The following EBP variants were observed in gnomAD, a reference collection of about 807,000 sequenced individuals.
EBP encodes the protein EBP cholestenol delta-isomerase, also known as 3-beta-hydroxysteroid-Delta(8),Delta(7)-isomerase.
Under a neutral mutation model 14.1 loss-of-function variants are expected in EBP, and 1 was observed. That is an observed-to-expected ratio of 0.07 (90% CI 0.03 to 0.34). The LOEUF (loss-of-function observed/expected upper bound fraction) is 0.34, where lower values mean the gene tolerates loss of function less well. Among genes scored for constraint, EBP ranks in the 10% least tolerant of loss-of-function variants. The probability of loss-of-function intolerance (pLI) is 0.99; values close to 1 mark genes in which losing one functional copy is unlikely to be tolerated. For missense variants in EBP, 123 were observed against 184.6 expected, an observed-to-expected ratio of 0.67 and a Z score of 1.93; for synonymous variants, 72 against 77.7, an observed-to-expected ratio of 0.93 and a Z score of 0.38.
intron 2 of EBP, among the ~76,000 whole-genome samples, chrX:48,525,868 C>T (rs1285107149): frequency 1.8e-5 from 2 of 109,010 alleles, no homozygotes; most frequent in African/African-American, 3.3e-5. Context: ...GGGCAGATCA[C>T]CTGAGGTCAG....
rs782257058 is a variant in EBP, at chrX:48,527,244, A to G, written c.428A>G (p.Gln143Arg). 4.1e-6 allele frequency: 5 copies of G among 1,209,371 alleles called. No individual in the cohort carries two copies. In the East Asian group the frequency reaches 1.5e-4, roughly 36 times the overall value. ...SLWVVIAFLR[Q>R]HPLRFILQLV... ...TGGGTGGTGATCGCCTTTCTCCGCCAGCATCCCCTCCGCTTCATTCTACAG... is the reference window on the plus strand; with the variant it reads ...TGGGTGGTGATCGCCTTTCTCCGCCGGCATCCCCTCCGCTTCATTCTACAG... Residue 143 changes from glutamine to arginine, a missense_variant, in exon 4 of 5, where the codon CAG becomes CGG. Transcript: ENST00000495186.
intron 4 of EBP, 154 bp downstream of exon 4, chrX:48,527,439 C>A: frequency 1.1e-6 from 1 of 895,573 alleles, no homozygotes; most frequent in Non-Finnish European, 1.6e-6. Context: ...CTGGAAAGGT[C>A]ATGCCCTTCT....
chrX:48,526,761 C>G, intron 2 of EBP: 2 of 455,577 alleles, frequency 4.4e-6, no homozygotes, highest in Non-Finnish European at 7.8e-6. Flanking sequence ...ACACACACTT[C>G]TTGAGTACCA....
Position 48,527,231 on chromosome X carries a change from G to A in EBP, c.415G>A (p.Ala139Thr), listed in dbSNP as rs147961959. The change falls in exon 4 of 5, where the codon GCC becomes ACC. Residue 139 changes from alanine to threonine, a missense_variant. Ala to Thr is a moderately conservative substitution (Grantham distance 58). Transcript: ENST00000495186. ...WGPLSLWVVI[A>T]FLRQHPLRFI... ...ACCACTCAGCCTGTGGGTGGTGATC[G>A]CCTTTCTCCGCCAGCATCCCCTCCG... 4 of 1,211,375 alleles carry A rather than the reference G, an allele frequency of 3.3e-6. No homozygotes were observed. Among genetic ancestry groups the A allele is most frequent in the Non-Finnish European group, 4.5e-6 (4 of 895,444 alleles).
intron 1 of EBP, among the ~76,000 whole-genome samples, chrX:48,522,593 T>G (rs2061766057): frequency 8.9e-6 from 1 of 112,484 alleles, no homozygotes; most frequent in Non-Finnish European, 1.9e-5. Context: ...TTCTACCACA[T>G]CATAATATGG....
Position 48,528,226 on chromosome X carries a change from A to G in EBP, c.470-8A>G. On this transcript the variant is annotated splice_polypyrimidine_tract_variant and splice_region_variant and intron_variant, in intron 4 of 4. Coordinates refer to ENST00000495186, the MANE Select transcript of EBP (RefSeq NM_006579.3). ...TGGGGCTTCTCCTTCCCCTCCTGCC[A>G]CCCACAGGCCAGATCTATGGGGATG... The G allele has an allele frequency of 8.3e-7, 1 of 1,204,347 alleles. No individual in the cohort carries two copies. The highest frequency in any genetic ancestry group is 1.1e-6 in the Non-Finnish European group (1 of 889,972).
chrX:48,521,841 G>C lies in EBP; in HGVS notation c.-140G>C, dbSNP rs1169107969. On this transcript the variant is annotated 5_prime_UTR_variant, in exon 1 of 5. Transcript: ENST00000495186. The stretch of plus-strand genomic sequence containing the variant: ...ATGAGCCCGAACTAGGGATGTGACA[G>C]AGCGCGAGACCCAGCCTAAAGAGAG... 8.8e-6 allele frequency: 1 copy of C among 113,886 alleles called. No homozygotes were observed. Among genetic ancestry groups the C allele is most frequent in the Non-Finnish European group, 1.9e-5 (1 of 53,412 alleles). 9.4% of individuals were successfully genotyped at this position (113,886 alleles called of 1,213,427 possible). A position where few individuals can be genotyped will look rare whatever the true frequency, so the allele number is the denominator to read the frequency against.
chrX:48,526,973 CTCT>C lies in EBP; in HGVS notation c.302-11_302-9del, dbSNP rs1296320297. On this transcript the variant is annotated splice_polypyrimidine_tract_variant and intron_variant, in intron 2 of 4. Transcript: ENST00000495186. ...CACTGCCTTTATTCTTCATATCTCT[CTCT>C]TCTTTTCTTCAGGGAAAGAGTATGC... is the stretch of plus-strand genomic sequence containing the variant. 2.1e-5 allele frequency: 26 copies of C among 1,209,583 alleles called. No homozygotes were observed. Among genetic ancestry groups the C allele is most frequent in the Non-Finnish European group, 2.8e-5 (25 of 894,430 alleles).
chrX:48,527,212 C>A lies in EBP; in HGVS notation c.396C>A (p.Leu132=), dbSNP rs782579338. ...TCACAGCTTGCCTGTGGGGACCACT[C>A]AGCCTGTGGGTGGTGATCGCCTTTC... The part of the protein sequence containing the change: ...ETITACLWGP[L]SLWVVIAFLR... Residue 132 remains leucine, a synonymous_variant, in exon 4 of 5, where the codon CTC becomes CTA. Coordinates refer to ENST00000495186, the MANE Select transcript of EBP (RefSeq NM_006579.3). 14 of 1,209,962 alleles carry A rather than the reference C, an allele frequency of 1.2e-5. No homozygotes were observed. Among genetic ancestry groups the A allele is most frequent in the Non-Finnish European group, 1.5e-5 (13 of 895,200 alleles).
intron 2 of EBP, chrX:48,524,877 T>C (rs1343975254): frequency 5.4e-5 from 6 of 110,634 alleles, no homozygotes; most frequent in African/African-American, 2.0e-4. Flanking sequence ...CACTTTTTTG[T>C]AGAGACAAGG....
chrX:48,527,649 A>G (rs1259780154), intron 4 of EBP: 1 of 253,919 alleles, frequency 3.9e-6, no homozygotes, highest in Non-Finnish European at 7.2e-6. Context: ...TCTGTCACCC[A>G]GGCCAGAGTG....
intron 2 of EBP, among the ~76,000 whole-genome samples, chrX:48,525,096 C>T (rs1339548123): frequency 1.8e-5 from 2 of 112,112 alleles, no homozygotes; most frequent in Non-Finnish European, 3.8e-5. Flanking sequence ...TTTCCCCAAA[C>T]GCTGTTAGGC....
chrX:48,526,843 CCAAA>C (rs1418666875), intron 2 of EBP, 142 bp from the exon 3 acceptor site: 1 of 637,792 alleles, frequency 1.6e-6, no homozygotes, highest in Non-Finnish European at 2.6e-6. Flanking sequence ...CCACTAGAAT[CCAAA>C]CAGTTACCCC....
At chrX:48,525,695 T>A (rs2061776816) in intron 2 of EBP, among the ~76,000 whole-genome samples, 1 of 109,645 alleles carries the variant, frequency 9.1e-6, no homozygotes, top group African/African-American at 3.3e-5. Context: ...TTTAATGAGG[T>A]CACTCCTCAT....
At chrX:48,525,072 T>TTCTA (rs2061775162) in intron 2 of EBP, among the ~76,000 whole-genome samples, 1 of 112,284 alleles carries the variant, frequency 8.9e-6, no homozygotes, top group Non-Finnish European at 1.9e-5. Context: ...AAAATCTGCT[T>TTCTA]TCTATCCACT....
chrX:48,525,815 A>T (rs2061777185), intron 2 of EBP, among the ~76,000 whole-genome samples: 1 of 110,084 alleles, frequency 9.1e-6, no homozygotes, highest in South Asian at 3.9e-4. Context: ...GGCCGGGCAG[A>T]GTGGCTCATG....
chrX:48,527,241 G>A lies in EBP; in HGVS notation c.425G>A (p.Arg142His), dbSNP rs782609400. 71 of 1,209,548 alleles carry A rather than the reference G, an allele frequency of 5.9e-5. No individual in the cohort carries two copies. Among genetic ancestry groups the A allele is most frequent in the Non-Finnish European group, 6.7e-5 (60 of 895,116 alleles). ...CTGTGGGTGGTGATCGCCTTTCTCCGCCAGCATCCCCTCCGCTTCATTCTA... is the reference window on the plus strand; with the variant it reads ...CTGTGGGTGGTGATCGCCTTTCTCCACCAGCATCCCCTCCGCTTCATTCTA... ...LSLWVVIAFLRQHPLRFILQL... is the reference protein window; with the variant it reads ...LSLWVVIAFLHQHPLRFILQL... Residue 142 changes from arginine (R) to histidine (H), a missense_variant, in exon 4 of 5, where the codon CGC becomes CAC. Transcript: ENST00000495186.
In EBP at chrX:48,528,247, G is replaced by A. The variant is rs782627994; in HGVS notation, c.483G>A (p.Gly161=). 7 of 1,209,084 alleles carry A rather than the reference G, an allele frequency of 5.8e-6. No homozygotes were observed. Among genetic ancestry groups the A allele is most frequent in the Non-Finnish European group, 7.8e-6 (7 of 894,715 alleles). ...QLVVSVGQIY[G]DVLYFLTEHR... ...TGCCACCCACAGGCCAGATCTATGG[G>A]GATGTGCTCTACTTCCTGACAGAGC... The change falls in exon 5 of 5, where the codon GGG becomes GGA. Residue 161 remains glycine, a synonymous_variant. Transcript: ENST00000495186.
intron 2 of EBP, among the ~76,000 whole-genome samples, chrX:48,525,078 C>A (rs921098914): frequency 4.5e-5 from 5 of 112,162 alleles, no homozygotes; most frequent in Non-Finnish European, 9.4e-5. Context: ...TGCTTTCTAT[C>A]CACTAAGTTT....
Sources: allele counts gnomAD v4.1 joint callset (sites outside exome capture counted in the v4.1 genomes callset), GRCh38; gene constraint gnomAD v4.1.1; transcripts MANE v1.5; gene names NCBI Gene and HGNC (gene_info 2026-07-23, HGNC 2026-07-21).